DDX47: variants seen among roughly 807,000 people sequenced by gnomAD.
The protein encoded by DDX47 is probable ATP-dependent RNA helicase DDX47.
In DDX47, 60 loss-of-function variants were observed where a neutral mutation model predicts 58.8. That is an observed-to-expected ratio of 1.02 (90% confidence interval 0.83 to 1.26). The LOEUF (loss-of-function observed/expected upper bound fraction) is 1.26, where lower values mean the gene tolerates loss of function less well. Among genes scored for constraint, DDX47 ranks in the 50% most tolerant of loss-of-function variants. DDX47 has a pLI of 0.00. For synonymous variants in DDX47, 197 were observed against 204.6 expected (o/e 0.96, Z 0.32); for missense variants, 530 against 573.2 (o/e 0.92, Z 0.77).
At chr12:12,815,882 G>T (rs774749210) in intron 2 of DDX47, among the ~76,000 whole-genome samples, 14 of 152,200 alleles carry the variant, frequency 9.2e-5, no homozygotes, top group Non-Finnish European at 1.9e-4. Flanking sequence ...TAATCTCATA[G>T]CTGTGAAAGA....
rs1306675880 is a variant in DDX47 at position 12,821,695 on chromosome 12, G to T, written c.411G>T (p.Leu137Phe). 4 of 1,613,726 alleles carry T rather than the reference G, an allele frequency of 2.5e-6. No homozygotes were observed. Among genetic ancestry groups the T allele is most frequent in the Non-Finnish European group, 3.4e-6 (4 of 1,179,828 alleles). ...VGGIDSMSQS[L>F]ALAKKPHIII... Reference sequence around the variant, plus strand: ...GAATTGATTCAATGTCTCAATCTTTGGCCCTTGCAAAAAAACCACATATAA... The same window carrying T: ...GAATTGATTCAATGTCTCAATCTTTTGCCCTTGCAAAAAAACCACATATAA... Residue 137 changes from leucine to phenylalanine, a missense_variant, in exon 4 of 12, where the codon TTG becomes TTT. Physicochemically the swap from Leu to Phe is conservative, Grantham distance 22. Transcript: ENST00000358007.
chr12:12,826,151 C>T, intron 10 of DDX47, 81 bp downstream of exon 10: 1 of 1,109,290 alleles, frequency 9.0e-7, no homozygotes, highest in Non-Finnish European at 1.3e-6. Flanking sequence ...CCTGACACTA[C>T]CATTTACTAC....
At chr12:12,817,521 TG>T (rs1471756717) in intron 2 of DDX47, among the ~76,000 whole-genome samples, 4 of 152,182 alleles carry the variant, frequency 2.6e-5, no homozygotes. Context: ...GAGACCTGCC[TG>T]GGTAACACAT....
intron 7 of DDX47, 106 bp from the exon 8 acceptor site, chr12:12,823,764 A>T: frequency 1.8e-6 from 2 of 1,129,134 alleles, no homozygotes; most frequent in Non-Finnish European, 2.5e-6. Context: ...AGGTCTGGAT[A>T]ATTGAAAAGC....
At chr12:12,822,571 T>A in intron 5 of DDX47, 90 bp from the exon 6 acceptor site, 1 of 1,011,932 alleles carries the variant, frequency 9.9e-7, no homozygotes, top group Admixed American at 2.0e-5. Context: ...ATATTTAGTT[T>A]GTTAGTGTCT....
At position 12,813,457 on chromosome 12, in the gene DDX47, G is replaced by A. The variant is rs1592319892; in HGVS notation, c.87+3G>A. ...AAACTAAAACATTTAAAGACCTGGTGAGAATGGATGACGCTGGCTTCTTTT... is the reference window on the plus strand; with the variant it reads ...AAACTAAAACATTTAAAGACCTGGTAAGAATGGATGACGCTGGCTTCTTTT... On this transcript the variant is annotated splice_donor_region_variant and intron_variant, in intron 1 of 11. Transcript: ENST00000358007. The A allele has an allele frequency of 1.2e-6, 2 of 1,605,474 alleles. No individual in the cohort carries two copies. The highest frequency in any genetic ancestry group is 1.7e-6 in the Non-Finnish European group (2 of 1,175,868).
intron 7 of DDX47, 69 bp downstream of exon 7, chr12:12,823,388 A>G: frequency 1.0e-6 from 1 of 968,700 alleles, no homozygotes; most frequent in Non-Finnish European, 1.7e-6. Context: ...AAAATGTGTC[A>G]ACTCTTGATT....
intron 2 of DDX47, among the ~76,000 whole-genome samples, chr12:12,819,470 C>T (rs1862939483): frequency 1.3e-5 from 2 of 151,850 alleles, no homozygotes; most frequent in African/African-American, 4.8e-5. Flanking sequence ...TCTGAAGCAT[C>T]TGCCCCTGAG....
At chr12:12,824,099 C>T in intron 8 of DDX47, 83 bp downstream of exon 8, 1 of 1,457,344 alleles carries the variant, frequency 6.9e-7, no homozygotes, top group Non-Finnish European at 9.2e-7. Context: ...TACAATAAGG[C>T]CATAGGGCAC....
At chr12:12,819,293 A>C (rs1862937537) in intron 2 of DDX47, among the ~76,000 whole-genome samples, 3 of 151,314 alleles carry the variant, frequency 2.0e-5, no homozygotes, top group Admixed American at 1.3e-4. Flanking sequence ...TTCAGTCCTC[A>C]AGCTTAAACC....
chr12:12,822,097 T>C lies in DDX47; in HGVS notation c.561+14T>C. ...TTTGAGACAGAGGTGAGCTCTCAATTTCTTTCCTCCTCTTAGAGCATCTCA... is the reference window on the plus strand; with the variant it reads ...TTTGAGACAGAGGTGAGCTCTCAATCTCTTTCCTCCTCTTAGAGCATCTCA... On this transcript the variant is annotated intron_variant, in intron 5 of 11. Transcript: ENST00000358007. 1 of 1,574,170 alleles carries C rather than the reference T, an allele frequency of 6.4e-7. No individual in the cohort carries two copies.
At chr12:12,825,978 T>G (rs758417123) in intron 9 of DDX47, 22 bp from the exon 10 acceptor site, 70 of 1,592,220 alleles carry the variant, frequency 4.4e-5, no homozygotes, top group Non-Finnish European at 1.2e-5. Context: ...TAACTTGAAT[T>G]TATTTACCCT....
rs1863022911 is a variant in DDX47 at position 12,824,587 on chromosome 12, C to T, written c.945C>T (p.Ser315=). Residue 315 remains serine (S), a synonymous_variant, in exon 9 of 12, where the codon TCC becomes TCT. Transcript: ENST00000358007. ...SLNKFKAKAR[S]ILLATDVASR... is the part of the protein sequence containing the mutation. ...ATAAGTTTAAGGCCAAGGCCCGTTCCATTCTTCTAGCAACTGACGTTGCCA... is the reference window on the plus strand; with the variant it reads ...ATAAGTTTAAGGCCAAGGCCCGTTCTATTCTTCTAGCAACTGACGTTGCCA... 2 of 1,614,004 alleles carry T rather than the reference C, an allele frequency of 1.2e-6. No individual in the cohort carries two copies. Among genetic ancestry groups the T allele is most frequent in the East Asian group, 2.2e-5 (1 of 44,888 alleles).
chr12:12,821,030 G>C (rs771578159), intron 2 of DDX47, among the ~76,000 whole-genome samples, 178 bp from the exon 3 acceptor site: 12 of 152,112 alleles, frequency 7.9e-5, no homozygotes, highest in Non-Finnish European at 1.2e-4. Flanking sequence ...TCTCACCACT[G>C]GGTTTTGAGC....
At chr12:12,816,646 A>G (rs1862901553) in intron 2 of DDX47, among the ~76,000 whole-genome samples, 1 of 152,202 alleles carries the variant, frequency 6.6e-6, no homozygotes, top group Admixed American at 6.5e-5. Flanking sequence ...GGAAAATTGG[A>G]AGATTCAATA....
At chr12:12,828,356 A>C (rs1389685917) in intron 11 of DDX47, among the ~76,000 whole-genome samples, 4 of 152,198 alleles carry the variant, frequency 2.6e-5, no homozygotes, top group African/African-American at 9.7e-5. Flanking sequence ...ATATGAAACA[A>C]GTGAATTTTG....
At chr12:12,827,198 G>A (rs755433812) in intron 10 of DDX47, 48 bp from the exon 11 acceptor site, 2 of 1,600,066 alleles carry the variant, frequency 1.2e-6, no homozygotes, top group Non-Finnish European at 8.5e-7. Flanking sequence ...GAATGGACAG[G>A]CATTTGCGTT....
At chr12:12,816,937 T>C (rs1344080756) in intron 2 of DDX47, among the ~76,000 whole-genome samples, 1 of 152,180 alleles carries the variant, frequency 6.6e-6, no homozygotes, top group African/African-American at 2.4e-5. Flanking sequence ...TTTTCAGCCA[T>C]AAGTTTAAAT....
At chr12:12,827,189 A>G in intron 10 of DDX47, 57 bp from the exon 11 acceptor site, 1 of 1,587,126 alleles carries the variant, frequency 6.3e-7, no homozygotes, top group Non-Finnish European at 8.6e-7. Flanking sequence ...ATAGTTTGGG[A>G]ATGGACAGGC....
Sources: allele counts gnomAD v4.1 joint callset (sites outside exome capture counted in the v4.1 genomes callset), GRCh38; gene constraint gnomAD v4.1.1; transcripts MANE v1.5; gene names NCBI Gene and HGNC (gene_info 2026-07-23, HGNC 2026-07-21).